Variants in GRTP1 observed in about 807,000 individuals in gnomAD.
The protein encoded by GRTP1 is growth hormone-regulated TBC protein 1.
In GRTP1, 56 loss-of-function variants were observed where a neutral mutation model predicts 38.1. That is an observed-to-expected ratio of 1.47 (90% confidence interval 1.19 to 1.84). The LOEUF (loss-of-function observed/expected upper bound fraction) is 1.84, where lower values mean the gene tolerates loss of function less well. Ranked by LOEUF, GRTP1 falls within the 40% of genes most tolerant of loss-of-function variation. The pLI, the probability that GRTP1 is intolerant of heterozygous loss-of-function variation, is 0.00. For missense variants in GRTP1, 506 were observed against 453.9 expected (o/e 1.11, Z -1.04); for synonymous variants, 217 against 189.5 (o/e 1.14, Z -1.19).
At position 113,350,589 on chromosome 13, in the gene GRTP1, C is replaced by T. The variant is rs1479588287; in HGVS notation, c.465+260G>A. 2.0e-5 allele frequency among the ~76,000 whole-genome samples: 3 copies of T among 151,816 alleles called. No individual in the cohort carries two copies. The East Asian group carries it at 5.8e-4, about 29-fold the overall frequency. ...CATATCCCACAGCACACACACCCCA[C>T]AGCGCACGCACCCCACAGCACTCGC... On this transcript the variant is annotated intron_variant, in intron 4 of 7. Coordinates refer to ENST00000375431, the MANE Select transcript of GRTP1 (RefSeq NM_024719.4).
chr13:113,346,907 T>C (rs868658753), intron 4 of GRTP1, among the ~76,000 whole-genome samples: 11 of 574 alleles, frequency 0.019, 4 homozygotes, highest in Admixed American at 0.11. Context: ...CCTCTGTGGC[T>C]GAGAGCGGAC....
chr13:113,325,745 T>A lies in GRTP1; in HGVS notation c.837A>T (p.Glu279Asp). 1 of 1,614,126 alleles carries A rather than the reference T, an allele frequency of 6.2e-7. No individual in the cohort carries two copies. The highest frequency in any genetic ancestry group is 8.5e-7 in the Non-Finnish European group (1 of 1,180,008). ...LIKQHQELIL[E>D]ATSVPDICDK... ...CGCAAATGTCTGGAACGCTGGTGGC[T>A]TCCAAAATCAACTCCTGGTGCTGCT... is the stretch of plus-strand genomic sequence containing the variant. The change falls in exon 7 of 8, where the codon GAA (glutamate) becomes GAT (aspartate). Residue 279 changes from glutamate (E) to aspartate (D), a missense_variant. Coordinates refer to ENST00000375431, the MANE Select transcript of GRTP1 (RefSeq NM_024719.4).
chr13:113,345,067 CT>C, intron 4 of GRTP1, 108 bp from the exon 5 acceptor site: 1 of 1,246,400 alleles, frequency 8.0e-7, no homozygotes, highest in Non-Finnish European at 1.1e-6. Context: ...CTTGCTTCTC[CT>C]TAAAACCTGC....
At chr13:113,333,834 A>AGTGTG (rs1566418506) in intron 5 of GRTP1, among the ~76,000 whole-genome samples, 1 of 92,038 alleles carries the variant, frequency 1.1e-5, no homozygotes, top group African/African-American at 4.6e-5. Flanking sequence ...TTATTTATTT[A>AGTGTG]TTTAGTGTGT....
chr13:113,345,958 A>AGACCCGGGAGGACCTCTG lies in GRTP1; in HGVS notation c.466-1000_466-999insCAGAGGTCCTCCCGGGTC, dbSNP rs2043099191. Among the ~76,000 whole-genome samples the AGACCCGGGAGGACCTCTG allele has an allele frequency of 2.0e-5, 3 of 151,084 alleles. No individual in the cohort carries two copies. The South Asian group carries it at 6.5e-4, about 33-fold the overall frequency. ...AAATGCTGGGAAGACCTCTGTGGCC[A>AGACCCGGGAGGACCTCTG]AAAGCAGACCCAGGAGGACTTTTGT... On this transcript the variant is annotated intron_variant, in intron 4 of 7. Transcript: ENST00000375431.
intron 4 of GRTP1, among the ~76,000 whole-genome samples, chr13:113,347,333 C>A (rs1401816542): frequency 4.6e-4 from 35 of 76,898 alleles, no homozygotes; most frequent in Non-Finnish European, 4.8e-4. Context: ...AGAGCAGACC[C>A]GGGAGGACCT....
In GRTP1 at chr13:113,363,788, C is replaced by T; in HGVS notation, c.155G>A (p.Gly52Asp). 1 of 1,606,556 alleles carries T rather than the reference C, an allele frequency of 6.2e-7. No individual in the cohort carries two copies. Among genetic ancestry groups the T allele is most frequent in the Non-Finnish European group, 8.5e-7 (1 of 1,177,698 alleles). Reference sequence around the variant, plus strand: ...TGTCCGGCTCCTGGGGACGCCCCCGCCCTGCAGCAGCCGGGACCATTTGAT... The same window carrying T: ...TGTCCGGCTCCTGGGGACGCCCCCGTCCTGCAGCAGCCGGGACCATTTGAT... ...RAIKWSRLLQ[G>D]GGVPRSRTVK... Residue 52 changes from glycine to aspartate, a missense_variant, in exon 2 of 8, where the codon GGC becomes GAC. Coordinates refer to ENST00000375431, the MANE Select transcript of GRTP1 (RefSeq NM_024719.4).
At chr13:113,326,478 T>C (rs998023905) in intron 5 of GRTP1, among the ~76,000 whole-genome samples, 1 of 145,224 alleles carries the variant, frequency 6.9e-6, no homozygotes, top group East Asian at 2.0e-4. Flanking sequence ...AAGACCAGCC[T>C]GGCTGACATG....
intron 5 of GRTP1, among the ~76,000 whole-genome samples, chr13:113,326,447 A>C (rs1469979147): frequency 7.8e-5 from 10 of 127,788 alleles, no homozygotes; most frequent in Non-Finnish European, 1.1e-4. Flanking sequence ...AGGCGGGTGG[A>C]TCACCTAAAG....
At chr13:113,357,354 A>C (rs1489958497) in intron 2 of GRTP1, among the ~76,000 whole-genome samples, 1 of 150,136 alleles carries the variant, frequency 6.7e-6, no homozygotes, top group Non-Finnish European at 1.5e-5. Context: ...CTGAGGCAGG[A>C]GAATAGCCTG....
intron 2 of GRTP1, among the ~76,000 whole-genome samples, chr13:113,356,110 C>T (rs1014040598): frequency 6.6e-6 from 1 of 152,098 alleles, no homozygotes; most frequent in African/African-American, 2.4e-5. Flanking sequence ...ATTTCTTAGG[C>T]AGATGGAAAA....
In GRTP1 at chr13:113,358,175, C is replaced by T. The variant is rs114974937; in HGVS notation, c.182-2694G>A. Among the ~76,000 whole-genome samples the T allele has an allele frequency of 8.8e-3, 1,337 of 152,032 alleles. 21 individuals carry two copies. Among genetic ancestry groups the T allele is most frequent in the African/African-American group, 0.031 (1,296 of 41,464 alleles). ...CCAGCCTGGGAGACACAGAGAGATT[C>T]CATCTCAAAAAATAAATACATAAAA... On this transcript the variant is annotated intron_variant, in intron 2 of 7. Coordinates refer to ENST00000375431, the MANE Select transcript of GRTP1 (RefSeq NM_024719.4).
In GRTP1 at chr13:113,346,071, C is replaced by CTGACAGTGGACCCGGGAGGACCTCTGT. The variant is rs1566429006; in HGVS notation, c.466-1113_466-1112insACAGAGGTCCTCCCGGGTCCACTGTCA. Among the ~76,000 whole-genome samples, 5 of 8,952 alleles carry CTGACAGTGGACCCGGGAGGACCTCTGT rather than the reference C, an allele frequency of 5.6e-4. 2 individuals carry two copies. Among genetic ancestry groups the CTGACAGTGGACCCGGGAGGACCTCTGT allele is most frequent in the East Asian group, 6.9e-3 (2 of 290 alleles). 5.9% of individuals were successfully genotyped at this position (8,952 alleles called of 152,430 possible). On this transcript the variant is annotated intron_variant, in intron 4 of 7. Coordinates refer to ENST00000375431, the MANE Select transcript of GRTP1 (RefSeq NM_024719.4). The stretch of plus-strand genomic sequence containing the variant: ...GAGAGCAGACCCGGGAGGACCTCTG[C>CTGACAGTGGACCCGGGAGGACCTCTGT]GGCTGAGCAGACCTGGGAAGACATC...
chr13:113,345,134 T>A, intron 4 of GRTP1, 175 bp from the exon 5 acceptor site: 1 of 251,140 alleles, frequency 4.0e-6, no homozygotes, highest in Non-Finnish European at 6.3e-6. Context: ...ACCTACCGTC[T>A]AGTAATGTGT....
At position 113,343,593 on chromosome 13, in the gene GRTP1, G is replaced by A. The variant is rs758870929; in HGVS notation, c.562+1270C>T. On this transcript the variant is annotated intron_variant, in intron 5 of 7. Transcript: ENST00000375431. This position sits in a 1 kb window ranked among gnomAD's most constrained non-coding sequence, Gnocchi z 4.8. ...TGAACCAGGCTCTGCCATGTACAGC[G>A]GTGGTCAGGCCAGCACGCAAATTCT... Among the ~76,000 whole-genome samples the A allele has an allele frequency of 6.6e-5, 10 of 152,208 alleles. No homozygotes were observed. Among genetic ancestry groups the A allele is most frequent in the African/African-American group, 1.4e-4 (6 of 41,444 alleles).
intron 5 of GRTP1, among the ~76,000 whole-genome samples, 159 bp downstream of exon 5, chr13:113,344,704 C>A (rs921922644): frequency 8.8e-6 from 1 of 114,138 alleles, no homozygotes; most frequent in African/African-American, 3.4e-5. Flanking sequence ...CAGAGCGAGA[C>A]TCCGTCTCAA....
intron 5 of GRTP1, among the ~76,000 whole-genome samples, chr13:113,330,629 AGCCC>A (rs2042851348): frequency 6.3e-5 from 8 of 126,788 alleles, no homozygotes; most frequent in East Asian, 2.6e-4. Flanking sequence ...TGTGCATGGG[AGCCC>A]AGGTGTGTGC....
intron 2 of GRTP1, among the ~76,000 whole-genome samples, chr13:113,362,077 A>C (rs978779995): frequency 1.3e-5 from 2 of 152,202 alleles, no homozygotes; most frequent in South Asian, 4.1e-4. Flanking sequence ...TGAACCCAGG[A>C]GGCAGAGGTT....
intron 2 of GRTP1, among the ~76,000 whole-genome samples, chr13:113,363,073 C>A (rs2043527055): frequency 6.6e-6 from 1 of 152,230 alleles, no homozygotes; most frequent in African/African-American, 2.4e-5. Flanking sequence ...GAGGTGCCCT[C>A]CGCACAGGGA....
Sources: gnomAD v4.1 joint callset for allele counts (sites outside exome capture counted in the v4.1 genomes callset) on GRCh38, gnomAD v4.1.1 for gene constraint, Gnocchi (gnomAD v3.1) non-coding constraint, MANE v1.5 for transcripts, NCBI Gene and HGNC (gene_info 2026-07-23, HGNC 2026-07-21) for gene names.